SYNPR: variants seen among roughly 807,000 people sequenced by gnomAD.
SYNPR encodes the protein synaptoporin.
In SYNPR, 23 loss-of-function variants were observed where a neutral mutation model predicts 32.9. That is an observed-to-expected ratio of 0.70 (90% CI 0.50 to 0.99). The LOEUF (loss-of-function observed/expected upper bound fraction) is 0.99. Among genes scored for constraint, SYNPR ranks in the 50% least tolerant of loss-of-function variants. The pLI is 0.00. For missense variants in SYNPR, 318 were observed against 349.3 expected (o/e 0.91, Z 0.71); for synonymous variants, 146 against 135.9 (o/e 1.07, Z -0.52).
intron 2 of SYNPR, among the ~76,000 whole-genome samples, chr3:63,358,186 A>G (rs2087609611): frequency 6.6e-6 from 1 of 152,250 alleles, no homozygotes; most frequent in African/African-American, 2.4e-5. Flanking sequence ...GCTGTAACAA[A>G]TTACCACAAA....
At chr3:63,361,354 A>G (rs1401092596) in intron 2 of SYNPR, among the ~76,000 whole-genome samples, 5 of 152,068 alleles carry the variant, frequency 3.3e-5, no homozygotes, top group Non-Finnish European at 7.4e-5. Flanking sequence ...TTGGGAGGCC[A>G]AGGTGGGTGG....
intron 1 of SYNPR, among the ~76,000 whole-genome samples, chr3:63,251,671 GA>G (rs1263190900): frequency 6.6e-6 from 1 of 152,070 alleles, no homozygotes; most frequent in Non-Finnish European, 1.5e-5. Flanking sequence ...GTTCTGACAG[GA>G]CTGAAATGCG....
intron 2 of SYNPR, among the ~76,000 whole-genome samples, chr3:63,305,018 A>T (rs1260564195): frequency 6.6e-6 from 1 of 151,968 alleles, no homozygotes; most frequent in Non-Finnish European, 1.5e-5. Flanking sequence ...TTTGAGAATG[A>T]CATGTAGTAG....
At position 63,589,381 on chromosome 3, in the gene SYNPR, T is replaced by C. The variant is rs1261121400; in HGVS notation, c.409-19744T>C. On this transcript the variant is annotated intron_variant, in intron 4 of 5. Coordinates refer to ENST00000478300, the MANE Select transcript of SYNPR (RefSeq NM_001130003.2). The stretch of plus-strand genomic sequence containing the variant: ...CAGCTCTCTCTTCTACCAGAATGAG[T>C]ACTAGGACCATGTCTGTTTCTATTA... 2.0e-5 allele frequency among the ~76,000 whole-genome samples: 3 copies of C among 152,204 alleles called. No individual in the cohort carries two copies. In the East Asian group the frequency reaches 5.8e-4, roughly 29 times the overall value.
chr3:63,273,074 ATT>A (rs963729074), intron 3 of SYNPR, among the ~76,000 whole-genome samples: 1 of 152,026 alleles, frequency 6.6e-6, no homozygotes, highest in Non-Finnish European at 1.5e-5. Flanking sequence ...GGGGGAAGAG[ATT>A]TTTTTCTAAT....
In SYNPR at chr3:63,278,748, T is replaced by A; in HGVS notation, c.84+6T>A. 6.4e-7 allele frequency: 1 copy of A among 1,551,478 alleles called. No individual in the cohort carries two copies. The highest frequency in any genetic ancestry group is 8.7e-7 in the Non-Finnish European group (1 of 1,146,974). Reference sequence around the variant, plus strand: ...TCCTGCGAGCCCTGGAATTGGTGAGTAGCAGTGTGTGTGCAGGGAGGGGCG... The same window carrying A: ...TCCTGCGAGCCCTGGAATTGGTGAGAAGCAGTGTGTGTGCAGGGAGGGGCG... On this transcript the variant is annotated splice_donor_region_variant and intron_variant, in intron 2 of 5. Coordinates refer to ENST00000478300, the MANE Select transcript of SYNPR (RefSeq NM_001130003.2).
chr3:63,467,370 T>C (rs1700704266), intron 2 of SYNPR, among the ~76,000 whole-genome samples: 1 of 152,190 alleles, frequency 6.6e-6, no homozygotes, highest in African/African-American at 2.4e-5. Flanking sequence ...ACTAATGAAT[T>C]TGTTCCCTAG....
chr3:63,509,224 T>G lies in SYNPR; in HGVS notation c.209+28268T>G, dbSNP rs570425267. ...ATATGTATGTGTATATACATATGTA[T>G]GGGTATATCTATATACACACACATA... On this transcript the variant is annotated intron_variant, in intron 3 of 5. Coordinates refer to ENST00000478300, the MANE Select transcript of SYNPR (RefSeq NM_001130003.2). Among the ~76,000 whole-genome samples the G allele has an allele frequency of 1.0e-3, 155 of 150,858 alleles. 1 individual carries two copies. Among genetic ancestry groups the G allele is most frequent in the African/African-American group, 3.5e-3 (144 of 40,984 alleles).
intron 3 of SYNPR, among the ~76,000 whole-genome samples, chr3:63,520,861 AT>A (rs1479215191): frequency 6.6e-6 from 1 of 152,138 alleles, no homozygotes; most frequent in African/African-American, 2.4e-5. Context: ...TGAATGTAAA[AT>A]TCACAGGCTC....
rs566208520 is a variant in SYNPR, at chr3:63,513,988, G to C, written c.209+33032G>C. Among the ~76,000 whole-genome samples, 27 of 152,200 alleles carry C rather than the reference G, an allele frequency of 1.8e-4. No individual in the cohort carries two copies. In the South Asian group the frequency reaches 5.4e-3, roughly 30 times the overall value. On this transcript the variant is annotated intron_variant, in intron 3 of 5. Transcript: ENST00000478300. ...GGCATTGACTGCAGTGACACAAGCC[G>C]ATCTTCTTCCCATGCTCACCACCCC...
intron 2 of SYNPR, among the ~76,000 whole-genome samples, chr3:63,372,711 C>A (rs1261416378): frequency 6.6e-6 from 1 of 152,180 alleles, no homozygotes; most frequent in Non-Finnish European, 1.5e-5. Context: ...TGCCAAGATC[C>A]CTTCCCCTGC....
rs1702598477 is a variant in SYNPR, at chr3:63,556,579, G to A, written c.246G>A (p.Glu82=). Residue 82 remains glutamate (E), a synonymous_variant, in exon 4 of 6, where the codon GAG becomes GAA. Transcript: ENST00000478300. ...HQVTFEVPTC[E]GKERQKLALI... is the part of the protein sequence containing the mutation. ...TGACGTTTGAGGTGCCCACCTGCGA[G>A]GGAAAGGAACGGCAGAAGCTGGCAT... is the stretch of plus-strand genomic sequence containing the variant. The A allele has an allele frequency of 6.2e-7, 1 of 1,613,528 alleles. No individual in the cohort carries two copies. The highest frequency in any genetic ancestry group is 8.5e-7 in the Non-Finnish European group (1 of 1,179,674).
At chr3:63,244,976 C>T (rs1019178112) in intron 1 of SYNPR, among the ~76,000 whole-genome samples, 14 of 151,784 alleles carry the variant, frequency 9.2e-5, no homozygotes, top group African/African-American at 1.2e-4. Flanking sequence ...AACAGGAGCT[C>T]GGAAAAACTA....
chr3:63,304,487 C>G (rs1002063818), intron 2 of SYNPR, among the ~76,000 whole-genome samples: 1 of 151,880 alleles, frequency 6.6e-6, no homozygotes, highest in African/African-American at 2.4e-5. Flanking sequence ...ATGGCATAAC[C>G]TACAAAGGAA....
chr3:63,451,912 T>C (rs1700386161), intron 2 of SYNPR, among the ~76,000 whole-genome samples: 2 of 152,120 alleles, frequency 1.3e-5, no homozygotes, highest in South Asian at 4.1e-4. Flanking sequence ...CTGGCATTCC[T>C]CTCCCAGGCT....
chr3:63,222,461 C>CT, the SYNPR span, among the ~76,000 whole-genome samples: 3 of 152,016 alleles, frequency 2.0e-5, no homozygotes, highest in Non-Finnish European at 2.9e-5. Context: ...TATGGGGTGG[C>CT]TTAAGAGAGG....
intron 2 of SYNPR, among the ~76,000 whole-genome samples, chr3:63,254,423 C>A (rs938465937): frequency 7.2e-5 from 11 of 151,992 alleles, no homozygotes; most frequent in Non-Finnish European, 1.2e-4. Flanking sequence ...GTAGTTGCAA[C>A]CAACATTAAA....
In SYNPR at chr3:63,581,368, G is replaced by A. The variant is rs534543727; in HGVS notation, c.408+24627G>A. Reference sequence around the variant, plus strand: ...AGCACTAAAGCAACACCAAACAAAAGAAAGTTCCTGCTCATTCCAAATCAG... The same window carrying A: ...AGCACTAAAGCAACACCAAACAAAAAAAAGTTCCTGCTCATTCCAAATCAG... On this transcript the variant is annotated intron_variant, in intron 4 of 5. Transcript: ENST00000478300. 3.3e-4 allele frequency among the ~76,000 whole-genome samples: 32 copies of A among 96,642 alleles called. No individual in the cohort carries two copies. In the East Asian group the frequency reaches 0.015, roughly 45 times the overall value. 63.4% of individuals were successfully genotyped at this position (96,642 alleles called of 152,430 possible). A position where few individuals can be genotyped will look rare whatever the true frequency, so the allele number is the denominator to read the frequency against.
chr3:63,469,957 T>C (rs757228485), intron 2 of SYNPR, among the ~76,000 whole-genome samples: 1 of 152,228 alleles, frequency 6.6e-6, no homozygotes, highest in African/African-American at 2.4e-5. Context: ...CTAATGACAG[T>C]TCTGAATTTA....
Sources: allele counts gnomAD v4.1 joint callset (sites outside exome capture counted in the v4.1 genomes callset), GRCh38; gene constraint gnomAD v4.1.1; transcripts MANE v1.5; gene names NCBI Gene and HGNC (gene_info 2026-07-23, HGNC 2026-07-21).